The following CORIN variants were observed in gnomAD, a reference collection of about 807,000 sequenced individuals.
CORIN encodes the protein atrial natriuretic peptide-converting enzyme.
CORIN carries 117 observed loss-of-function variants against 125.3 expected under a neutral mutation model. That is an observed-to-expected ratio of 0.93 (90% CI 0.80 to 1.09). The LOEUF (loss-of-function observed/expected upper bound fraction) is 1.09. Among genes scored for constraint, CORIN ranks in the 50% least tolerant of loss-of-function variants. The pLI, the probability that CORIN is intolerant of heterozygous loss-of-function variation, is 0.00. For synonymous variants in CORIN, 450 were observed against 466.4 expected (o/e 0.96, Z 0.45); for missense variants, 1,253 against 1,306.7 (o/e 0.96, Z 0.63).
intron 1 of CORIN, among the ~76,000 whole-genome samples, chr4:47,807,775 A>T (rs1305167768): frequency 6.6e-6 from 1 of 152,236 alleles, no homozygotes; most frequent in Non-Finnish European, 1.5e-5. Flanking sequence ...CTTGCCAGAA[A>T]TGATATCTGG....
intron 4 of CORIN, among the ~76,000 whole-genome samples, chr4:47,757,905 T>C (rs193000394): frequency 0.023 from 3,238 of 141,666 alleles, 45 homozygotes; most frequent in East Asian, 0.054. Context: ...TATATATATA[T>C]ACACAAATAT....
chr4:47,782,033 G>T (rs186452141), intron 3 of CORIN, among the ~76,000 whole-genome samples: 1 of 152,204 alleles, frequency 6.6e-6, no homozygotes, highest in East Asian at 1.9e-4. Flanking sequence ...TACAACAATT[G>T]TAAATATTTA....
intron 1 of CORIN, among the ~76,000 whole-genome samples, chr4:47,822,972 T>G (rs1018986761): frequency 1.3e-5 from 2 of 152,068 alleles, no homozygotes; most frequent in Non-Finnish European, 2.9e-5. Context: ...CGTGCCAACA[T>G]GCCCGGCTAA....
intron 6 of CORIN, among the ~76,000 whole-genome samples, chr4:47,688,857 T>C (rs1725641549): frequency 6.6e-6 from 1 of 152,104 alleles, no homozygotes; most frequent in South Asian, 2.1e-4. Flanking sequence ...AAGCATAGAG[T>C]TTTTTTATTT....
intron 2 of CORIN, among the ~76,000 whole-genome samples, chr4:47,802,209 CTCTT>C (rs1024222567): frequency 1.3e-5 from 2 of 152,178 alleles, no homozygotes; most frequent in African/African-American, 4.8e-5. Context: ...TGGTGAAAGA[CTCTT>C]TCTATTAAAA....
chr4:47,718,893 T>C (rs1727224029), intron 5 of CORIN, among the ~76,000 whole-genome samples: 1 of 152,248 alleles, frequency 6.6e-6, no homozygotes, highest in African/African-American at 2.4e-5. Context: ...GGGAGGACAG[T>C]TGTCATCAGA....
intron 19 of CORIN, among the ~76,000 whole-genome samples, chr4:47,609,268 T>G (rs9998959): frequency 0.27 from 40,876 of 152,032 alleles, 5,632 homozygotes; most frequent in Admixed American, 0.35. Context: ...AGATGGAGTT[T>G]CACTCTTGTC....
chr4:47,833,885 T>A (rs1030378288), intron 1 of CORIN, among the ~76,000 whole-genome samples: 2 of 152,132 alleles, frequency 1.3e-5, no homozygotes, highest in African/African-American at 4.8e-5. Flanking sequence ...GTTAATGTGA[T>A]CAAAAAACAA....
chr4:47,706,955 C>T (rs1726600148), intron 5 of CORIN: 6 of 1,596,358 alleles, frequency 3.8e-6, no homozygotes, highest in East Asian at 2.2e-5. Flanking sequence ...TTGGAGAAGG[C>T]GCAATACTCT....
At chr4:47,689,723 A>G (rs1442494914) in intron 6 of CORIN, among the ~76,000 whole-genome samples, 1 of 152,206 alleles carries the variant, frequency 6.6e-6, no homozygotes. Flanking sequence ...ATAGAATCTT[A>G]ACAACAAAAG....
chr4:47,656,978 T>C lies in CORIN; in HGVS notation c.1736-3318A>G, dbSNP rs1050049841. On this transcript the variant is annotated intron_variant, in intron 12 of 21. Coordinates refer to ENST00000273857, the MANE Select transcript of CORIN (RefSeq NM_006587.4). The stretch of plus-strand genomic sequence containing the variant: ...CATACAAAAATTAGTAGCATTTCTA[T>C]ATGCCAACAACAAAAAATGTGAAAG... Among the ~76,000 whole-genome samples, 3 of 152,166 alleles carry C rather than the reference T, an allele frequency of 2.0e-5. No individual in the cohort carries two copies. In the East Asian group the frequency reaches 5.8e-4, roughly 29 times the overall value.
intron 11 of CORIN, among the ~76,000 whole-genome samples, chr4:47,664,728 ACT>A (rs1491339981): frequency 1.3e-5 from 2 of 152,152 alleles, no homozygotes; most frequent in Non-Finnish European, 2.9e-5. Flanking sequence ...ATACTATCAT[ACT>A]TTTTTAAAAA....
rs539640372 is a variant in CORIN at position 47,628,549 on chromosome 4, G to A, written c.2199-2028C>T. ...CATCGTTAACTATAGTCACCATGTT[G>A]TACATTAGATCTCCGGAACTTATTC... is the stretch of plus-strand genomic sequence containing the variant. On this transcript the variant is annotated intron_variant, in intron 16 of 21. Coordinates refer to ENST00000273857, the MANE Select transcript of CORIN (RefSeq NM_006587.4). 5.9e-5 allele frequency among the ~76,000 whole-genome samples: 9 copies of A among 151,852 alleles called. No individual in the cohort carries two copies. The South Asian group carries it at 1.9e-3, about 32-fold the overall frequency.
chr4:47,810,386 T>C (rs1732015243), intron 1 of CORIN, among the ~76,000 whole-genome samples: 1 of 152,148 alleles, frequency 6.6e-6, no homozygotes. Context: ...GATTTCACCA[T>C]GGTGCTCTGG....
At chr4:47,837,792 G>A (rs1389341452) in intron 1 of CORIN, 95 bp downstream of exon 1, 1 of 1,084,648 alleles carries the variant, frequency 9.2e-7, no homozygotes, top group Non-Finnish European at 1.4e-6. Flanking sequence ...TCGGGCGGAG[G>A]AGAGGACGGG....
intron 9 of CORIN, among the ~76,000 whole-genome samples, chr4:47,674,870 C>G (rs761595767): frequency 3.9e-5 from 6 of 152,150 alleles, no homozygotes; most frequent in Non-Finnish European, 5.9e-5. Context: ...TCTTGAAATT[C>G]TGAATATTAA....
At chr4:47,645,971 C>T (rs74375991) in intron 13 of CORIN, among the ~76,000 whole-genome samples, 14,775 of 147,802 alleles carry the variant, frequency 0.1, 1,206 homozygotes, top group East Asian at 0.47. Context: ...TTTTTTGAGA[C>T]CAAGTCTCAC....
intron 14 of CORIN, 69 bp from the exon 15 acceptor site, chr4:47,643,325 T>G: frequency 1.5e-6 from 2 of 1,366,272 alleles, no homozygotes; most frequent in Non-Finnish European, 2.0e-6. Flanking sequence ...CTAACATGCA[T>G]ATCTTCATGT....
chr4:47,692,608 T>C (rs1199909094), intron 6 of CORIN, among the ~76,000 whole-genome samples: 1 of 151,632 alleles, frequency 6.6e-6, no homozygotes, highest in Non-Finnish European at 1.5e-5. Context: ...TTAAGAATCA[T>C]TAGGGTGAAA....
Sources: allele counts gnomAD v4.1 joint callset (sites outside exome capture counted in the v4.1 genomes callset), GRCh38; gene constraint gnomAD v4.1.1; transcripts MANE v1.5; gene names NCBI Gene and HGNC (gene_info 2026-07-23, HGNC 2026-07-21).